Variants in ATP2B1 observed in about 807,000 individuals in gnomAD.
The protein encoded by ATP2B1 is ATPase plasma membrane Ca2+ transporting 1, also known as plasma membrane calcium-transporting ATPase 1.
A neutral mutation model predicts 124.2 loss-of-function variants in ATP2B1; 14 were observed. The observed-to-expected ratio is 0.11, with a 90% CI of 0.07 to 0.18. The LOEUF (loss-of-function observed/expected upper bound fraction) is 0.18. Ranked by LOEUF, ATP2B1 falls within the 10% of genes least tolerant of loss-of-function variation. The probability of loss-of-function intolerance (pLI) is 1.00; values close to 1 mark genes in which losing one functional copy is unlikely to be tolerated. For missense variants in ATP2B1, 763 were observed against 1,466.1 expected (o/e 0.52, Z 7.83); for synonymous variants, 449 against 492.4 (o/e 0.91, Z 1.17).
At chr12:89,690,471 TAA>T (rs1890439201) in intron 1 of ATP2B1, among the ~76,000 whole-genome samples, 1 of 151,914 alleles carries the variant, frequency 6.6e-6, no homozygotes, top group Non-Finnish European at 1.5e-5. Context: ...GGCAAGGCAA[TAA>T]AGTGTCTTGT....
In ATP2B1 at chr12:89,593,262, A is replaced by G. The variant is rs561107571; in HGVS notation, c.3352-1967T>C. 6.6e-5 allele frequency: 10 copies of G among 152,188 alleles called. 1 individual carries two copies. In the South Asian group the frequency reaches 2.1e-3, roughly 31 times the overall value. The allele number at this position is 152,188 out of a possible 1,614,324, so 9.4% of individuals were successfully genotyped here. A position where few individuals can be genotyped will look rare whatever the true frequency, so the allele number is the denominator to read the frequency against. ...CCTGACTGTCCTAATAACAAACTGT[A>G]AAGCTTAAAATGCAAAAAGATAACT... On this transcript the variant is annotated intron_variant, in intron 20 of 20. Coordinates refer to ENST00000428670, the MANE Select transcript of ATP2B1 (RefSeq NM_001366521.1).
intron 2 of ATP2B1, among the ~76,000 whole-genome samples, chr12:89,652,649 CA>C (rs1458875840): frequency 1.3e-5 from 2 of 152,358 alleles, no homozygotes; most frequent in Non-Finnish European, 2.9e-5. Flanking sequence ...TGATCAGTGA[CA>C]AAATGCTTCC....
At chr12:89,703,200 C>T (rs1349408166) in intron 1 of ATP2B1, among the ~76,000 whole-genome samples, 3 of 152,104 alleles carry the variant, frequency 2.0e-5, no homozygotes, top group African/African-American at 4.8e-5. Flanking sequence ...CAAAAAACAA[C>T]TGCATTTCAA....
At chr12:89,690,687 A>AGACCT (rs762897021) in intron 1 of ATP2B1, among the ~76,000 whole-genome samples, 3 of 152,102 alleles carry the variant, frequency 2.0e-5, no homozygotes, top group Non-Finnish European at 4.4e-5. Context: ...TTTCTACTAC[A>AGACCT]GACCTTAACT....
chr12:89,595,616 T>G (rs911916274), intron 20 of ATP2B1, among the ~76,000 whole-genome samples: 7 of 152,090 alleles, frequency 4.6e-5, no homozygotes, highest in African/African-American at 1.4e-4. Context: ...CTAAAACTAT[T>G]CCATATTAGG....
In ATP2B1 at chr12:89,603,948, T is replaced by C. The variant is rs367779801; in HGVS notation, c.2635-23A>G. 5.0e-6 allele frequency: 8 copies of C among 1,607,702 alleles called. No individual in the cohort carries two copies. The highest frequency in any genetic ancestry group is 2.2e-5 in the South Asian group (2 of 90,738). On this transcript the variant is annotated intron_variant, in intron 16 of 20. Transcript: ENST00000428670. This position sits in a 1 kb window ranked among gnomAD's most constrained non-coding sequence, Gnocchi z 4.3. Reference sequence around the variant, plus strand: ...GTCCTAGAAAAGATATGTTTCCTAATAGACATTCACAACTACTCAGGGGCT... The same window carrying C: ...GTCCTAGAAAAGATATGTTTCCTAACAGACATTCACAACTACTCAGGGGCT...
intron 14 of ATP2B1, 90 bp from the exon 15 acceptor site, chr12:89,610,133 C>T (rs1877715819): frequency 1.7e-6 from 2 of 1,165,086 alleles, no homozygotes; most frequent in Non-Finnish European, 2.4e-6. Context: ...TTTATAGACT[C>T]AAGGTTAAAA....
intron 8 of ATP2B1, among the ~76,000 whole-genome samples, chr12:89,624,708 C>T (rs1337548017): frequency 6.6e-6 from 1 of 152,120 alleles, no homozygotes; most frequent in Non-Finnish European, 1.5e-5. Flanking sequence ...GTATCCAAAG[C>T]TTAGAATAAA....
intron 2 of ATP2B1, among the ~76,000 whole-genome samples, chr12:89,647,169 T>A (rs1006046073): frequency 1.3e-5 from 2 of 152,260 alleles, no homozygotes; most frequent in African/African-American, 4.8e-5. Flanking sequence ...CTCTTCTGCC[T>A]AATTGGCTCA....
At chr12:89,673,056 A>G (rs1888185221) in intron 1 of ATP2B1, among the ~76,000 whole-genome samples, 1 of 152,168 alleles carries the variant, frequency 6.6e-6, no homozygotes, top group South Asian at 2.1e-4. Context: ...TCAAACTCAA[A>G]CACAAAAACT....
At chr12:89,648,120 G>A (rs545205103) in intron 2 of ATP2B1, among the ~76,000 whole-genome samples, 1 of 152,246 alleles carries the variant, frequency 6.6e-6, no homozygotes, top group East Asian at 1.9e-4. Context: ...TGGTACTGAG[G>A]TGTGGGGCAC....
At chr12:89,598,288 A>C (rs1565797708) in intron 20 of ATP2B1, among the ~76,000 whole-genome samples, 2 of 152,212 alleles carry the variant, frequency 1.3e-5, no homozygotes, top group Admixed American at 6.5e-5. Context: ...ATACTCAAAA[A>C]TTTATAGTAG....
At chr12:89,698,948 C>A (rs1442655158) in intron 1 of ATP2B1, among the ~76,000 whole-genome samples, 1 of 152,152 alleles carries the variant, frequency 6.6e-6, no homozygotes, top group African/African-American at 2.4e-5. Context: ...GCATAGCCTT[C>A]TCCAGAAAGC....
chr12:89,696,069 GA>G (rs1565926338), intron 1 of ATP2B1, among the ~76,000 whole-genome samples: 1 of 152,232 alleles, frequency 6.6e-6, no homozygotes, highest in African/African-American at 2.4e-5. Flanking sequence ...TGCCAAGGGT[GA>G]GTGACAGAAA....
At chr12:89,592,134 TG>T (rs1255586166) in intron 20 of ATP2B1, among the ~76,000 whole-genome samples, 4 of 151,996 alleles carry the variant, frequency 2.6e-5, no homozygotes, top group African/African-American at 9.7e-5. Flanking sequence ...GCTGTATAAA[TG>T]AAAAAGATTA....
intron 2 of ATP2B1, 30 bp downstream of exon 2, chr12:89,655,646 CAAA>C: frequency 6.3e-7 from 1 of 1,598,112 alleles, no homozygotes; most frequent in Non-Finnish European, 8.6e-7. Context: ...ACTCTTTGCA[CAAA>C]GAACCAAAAA....
chr12:89,694,083 C>T (rs1349002460), intron 1 of ATP2B1, among the ~76,000 whole-genome samples: 1 of 152,124 alleles, frequency 6.6e-6, no homozygotes, highest in Non-Finnish European at 1.5e-5. Flanking sequence ...TGTCATGGTA[C>T]AATTAATTTG....
At chr12:89,681,491 G>C (rs757259887) in intron 1 of ATP2B1, among the ~76,000 whole-genome samples, 8 of 150,540 alleles carry the variant, frequency 5.3e-5, no homozygotes, top group Non-Finnish European at 7.4e-5. Flanking sequence ...AGTGATTCTC[G>C]TGCCTCAGCC....
At chr12:89,596,785 T>A (rs1278948375) in intron 20 of ATP2B1, among the ~76,000 whole-genome samples, 5 of 152,146 alleles carry the variant, frequency 3.3e-5, no homozygotes, top group Admixed American at 3.3e-4. Flanking sequence ...CAGGATAAAG[T>A]CTTAGTTTGG....
Sources: allele counts gnomAD v4.1 joint callset (sites outside exome capture counted in the v4.1 genomes callset), GRCh38; gene constraint gnomAD v4.1.1; non-coding constraint Gnocchi (gnomAD v3.1); transcripts MANE v1.5; gene names NCBI Gene and HGNC (gene_info 2026-07-23, HGNC 2026-07-21).